Variants in IDUA observed in about 807,000 individuals in gnomAD.
IDUA encodes the protein alpha-L-iduronidase.
IDUA carries 65 observed loss-of-function variants against 68.9 expected under a neutral mutation model. That is an observed-to-expected ratio of 0.94 (90% CI 0.77 to 1.16). The LOEUF is 1.16. IDUA is among the 50% of genes most tolerant of loss of function. The pLI is 0.00. For missense variants in IDUA, 1,046 were observed against 938.0 expected (o/e 1.12, Z -1.50); for synonymous variants, 529 against 433.6 (o/e 1.22, Z -2.73).
intron 10 of IDUA, 35 bp downstream of exon 10, chr4:1,003,192 G>C (rs1392140385): frequency 7.6e-7 from 1 of 1,312,708 alleles, no homozygotes; most frequent in Non-Finnish European, 9.6e-7. Flanking sequence ...GGGCCGGGCC[G>C]GGCCGGGGTC....
rs1430206874 is a variant in IDUA at position 989,800 on chromosome 4, A to C, written c.299+1851A>C. The C allele has an allele frequency of 2.0e-5, 31 of 1,573,370 alleles. No homozygotes were observed. Among genetic ancestry groups the C allele is most frequent in the Non-Finnish European group, 2.7e-5 (31 of 1,160,332 alleles). ...GGCGGGTAGCACGTTGCAGCAGCCC[A>C]CAGCCAGCAGCTCCTGGTTGGCACG... On this transcript the variant is annotated intron_variant, in intron 2 of 13. Transcript: ENST00000514224.
chr4:995,861 G>C (rs1714716589), intron 2 of IDUA, among the ~76,000 whole-genome samples: 1 of 152,228 alleles, frequency 6.6e-6, no homozygotes, highest in South Asian at 2.1e-4. Flanking sequence ...AATGGGAGTG[G>C]AATGTAGTTG....
chr4:991,791 T>C, intron 2 of IDUA: 1 of 1,530,792 alleles, frequency 6.5e-7, no homozygotes, highest in Non-Finnish European at 8.7e-7. Flanking sequence ...AACGACAAGG[T>C]CCCCGGCAGC....
chr4:995,353 CAAA>C (rs57992789), intron 2 of IDUA, among the ~76,000 whole-genome samples: 1 of 138,336 alleles, frequency 7.2e-6, no homozygotes, highest in Non-Finnish European at 1.6e-5. Flanking sequence ...AGTTCTGTCT[CAAA>C]AAAAAAAAAA....
At chr4:1,000,445 C>T (rs1715003164) in intron 2 of IDUA, among the ~76,000 whole-genome samples, 167 bp from the exon 3 acceptor site, 1 of 152,220 alleles carries the variant, frequency 6.6e-6, no homozygotes, top group African/African-American at 2.4e-5. Flanking sequence ...TCATACCAGG[C>T]CTTCATAGGG....
At chr4:991,651 C>A in intron 2 of IDUA, 1 of 1,549,616 alleles carries the variant, frequency 6.5e-7, no homozygotes, top group Middle Eastern at 1.7e-4. Context: ...GCGCTGCCGT[C>A]GGACCGGCAC....
chr4:1,000,335 T>C (rs1412462489), intron 2 of IDUA, among the ~76,000 whole-genome samples: 1 of 152,254 alleles, frequency 6.6e-6, no homozygotes, highest in Admixed American at 6.5e-5. Context: ...CTGGCCTGCC[T>C]CGTGCCACTG....
chr4:989,746 G>C (rs755078988), intron 2 of IDUA: 12 of 1,557,230 alleles, frequency 7.7e-6, no homozygotes, highest in Non-Finnish European at 1.0e-5. Context: ...CTTGGCCAGG[G>C]CGGCGCTGGT....
intron 1 of IDUA, 193 bp from the exon 2 acceptor site, chr4:987,616 A>G: frequency 6.9e-7 from 1 of 1,438,972 alleles, no homozygotes; most frequent in African/African-American, 1.4e-5. Context: ...CCCTCGTCTT[A>G]CTGCTGCTGC....
intron 2 of IDUA, among the ~76,000 whole-genome samples, chr4:997,508 G>A (rs1577532538): frequency 6.6e-6 from 1 of 150,706 alleles, no homozygotes; most frequent in Non-Finnish European, 1.5e-5. Context: ...GGGACGTGGG[G>A]ACCCGGGCGG....
Position 1,001,717 on chromosome 4 carries a change from C to A in IDUA, c.628C>A (p.Arg210Ser). The A allele has an allele frequency of 6.3e-7, 1 of 1,598,884 alleles. No homozygotes were observed. The highest frequency in any genetic ancestry group is 1.3e-5 in the African/African-American group (1 of 74,964). Residue 210 changes from arginine to serine, a missense_variant, in exon 6 of 14, where the codon CGC (arginine) becomes AGC (serine). Arg to Ser is a moderately radical substitution (Grantham distance 110, BLOSUM62 -1). Coordinates refer to ENST00000514224, the MANE Select transcript of IDUA (RefSeq NM_000203.5). Reference protein sequence around the residue: ...NYYDACSEGLRAASPALRLGG... With the variant: ...NYYDACSEGLSAASPALRLGG... ...CTACGATGCCTGCTCGGAGGGTCTG[C>A]GCGCCGCCAGCCCCGCCCTGCGGCT...
rs747168143 is a variant in IDUA, at chr4:1,002,035, G to A, written c.846G>A (p.Gln282=). Residue 282 remains glutamine, a synonymous_variant, in exon 7 of 14, where the codon CAG becomes CAA. Coordinates refer to ENST00000514224, the MANE Select transcript of IDUA (RefSeq NM_000203.5). ...AGCAGGAGAAGGTCGTCGCGCAGCA[G>A]ATCCGGCAGCTCTTCCCCAAGTTCG... ...ILEQEKVVAQ[Q]IRQLFPKFAD... 4 of 1,598,658 alleles carry A rather than the reference G, an allele frequency of 2.5e-6. No homozygotes were observed. The highest frequency in any genetic ancestry group is 3.4e-6 in the Non-Finnish European group (4 of 1,174,274).
rs6836258 is a variant in IDUA at position 1,002,460 on chromosome 4, G to A, written c.1164G>A (p.Thr388=). 1 of 1,551,008 alleles carries A rather than the reference G, an allele frequency of 6.4e-7. No individual in the cohort carries two copies. The highest frequency in any genetic ancestry group is 8.7e-7 in the Non-Finnish European group (1 of 1,147,954). Residue 388 remains threonine, a synonymous_variant, in exon 8 of 14, where the codon ACG becomes ACA. Transcript: ENST00000514224. ...HVQLLRKPVL[T]AMGLLALLDE... The stretch of plus-strand genomic sequence containing the variant: ...AGCTGTTGCGCAAGCCGGTGCTCAC[G>A]GCCATGGGGCTGCTGGCGCTGCTGG...
chr4:987,414 C>CCGGGG (rs1158415241), intron 1 of IDUA, among the ~76,000 whole-genome samples, 172 bp downstream of exon 1: 1 of 152,166 alleles, frequency 6.6e-6, no homozygotes, highest in Non-Finnish European at 1.5e-5. Flanking sequence ...TGAGTGGGCG[C>CCGGGG]CGGGGCGTGA....
At chr4:999,183 C>A (rs755004238) in intron 2 of IDUA, among the ~76,000 whole-genome samples, 2 of 147,582 alleles carry the variant, frequency 1.4e-5, no homozygotes, top group Admixed American at 6.8e-5. Flanking sequence ...CCAGGCTGGG[C>A]AACAGAGTGA....
At chr4:1,000,723 G>A in intron 3 of IDUA, 26 bp downstream of exon 3, 1 of 1,572,922 alleles carries the variant, frequency 6.4e-7, no homozygotes, top group African/African-American at 1.3e-5. Context: ...TGCCCTCCCA[G>A]CCCGCCTGCA....
intron 2 of IDUA, chr4:991,791 T>A: frequency 1.3e-6 from 2 of 1,530,792 alleles, no homozygotes; most frequent in Non-Finnish European, 1.7e-6. Flanking sequence ...AACGACAAGG[T>A]CCCCGGCAGC....
intron 2 of IDUA, chr4:991,362 G>A: frequency 6.2e-7 from 1 of 1,612,904 alleles, no homozygotes; most frequent in Non-Finnish European, 8.5e-7. Flanking sequence ...AGGTGCCCAT[G>A]AGGAAGTAGA....
At chr4:1,003,658 G>A (rs1241587419) in intron 12 of IDUA, 33 bp downstream of exon 12, 3 of 1,606,010 alleles carry the variant, frequency 1.9e-6, no homozygotes, top group Non-Finnish European at 2.6e-6. Context: ...CCCTCTGCCT[G>A]GTCCTAGGCA....
Sources: allele counts gnomAD v4.1 joint callset (sites outside exome capture counted in the v4.1 genomes callset), GRCh38; gene constraint gnomAD v4.1.1; transcripts MANE v1.5; gene names NCBI Gene and HGNC (gene_info 2026-07-23, HGNC 2026-07-21).